SECISBP2: variants seen among roughly 807,000 people sequenced by gnomAD.
SECISBP2 encodes SECIS binding protein 2, also known as selenocysteine insertion sequence-binding protein 2.
A neutral mutation model predicts 98.2 loss-of-function variants in SECISBP2; 96 were observed. The observed-to-expected ratio is 0.98, with a 90% CI of 0.83 to 1.16. The LOEUF (loss-of-function observed/expected upper bound fraction) is 1.16. Among genes scored for constraint, SECISBP2 ranks in the 50% most tolerant of loss-of-function variants. The pLI, the probability that SECISBP2 is intolerant of heterozygous loss-of-function variation, is 0.00. For missense variants in SECISBP2, 1,046 were observed against 1,022.9 expected, an observed-to-expected ratio of 1.02 and a Z score of -0.31; for synonymous variants, 407 against 370.2, an observed-to-expected ratio of 1.10 and a Z score of -1.14.
At chr9:89,331,515 A>G (rs1451805936) in intron 5 of SECISBP2, among the ~76,000 whole-genome samples, 1 of 152,204 alleles carries the variant, frequency 6.6e-6, no homozygotes, top group Non-Finnish European at 1.5e-5. Context: ...TCAACTTTGA[A>G]TCTTTTAATT....
At chr9:89,352,365 C>A (rs1341423603) in intron 14 of SECISBP2, among the ~76,000 whole-genome samples, 1 of 152,080 alleles carries the variant, frequency 6.6e-6, no homozygotes, top group Non-Finnish European at 1.5e-5. Flanking sequence ...TGTTTATGGA[C>A]TTCTTCTTGG....
rs914636393 is a variant in SECISBP2 at position 89,359,160 on chromosome 9, C to T, written c.*336C>T. 2.9e-6 allele frequency: 1 copy of T among 347,498 alleles called. No homozygotes were observed. Among genetic ancestry groups the T allele is most frequent in the Non-Finnish European group, 5.6e-6 (1 of 180,142 alleles). 21.5% of individuals were successfully genotyped at this position (347,498 alleles called of 1,614,324 possible). On this transcript the variant is annotated 3_prime_UTR_variant, in exon 17 of 17. Transcript: ENST00000375807. Reference sequence around the variant, plus strand: ...AAACTTCCTCTCCATTGCAGAATAGCTGAGCCAAGTGAGTGAGTTTGCAGA... The same window carrying T: ...AAACTTCCTCTCCATTGCAGAATAGTTGAGCCAAGTGAGTGAGTTTGCAGA...
chr9:89,339,907 G>C lies in SECISBP2; in HGVS notation c.1256G>C (p.Arg419Thr). Residue 419 changes from arginine (R) to threonine (T), a missense_variant, in exon 9 of 17, where the codon AGA becomes ACA. By Grantham distance (71) the Arg-to-Thr change is moderately conservative (BLOSUM62 -1). Coordinates refer to ENST00000375807, the MANE Select transcript of SECISBP2 (RefSeq NM_024077.5). ...AACCTGGCAGTTGCATCTGAAAGAA[G>C]AGACAGAATAGAGACACCGAAATTT... Reference protein sequence around the residue: ...FPNLAVASERRDRIETPKFQS... With the variant: ...FPNLAVASERTDRIETPKFQS... 6.2e-7 allele frequency: 1 copy of C among 1,613,880 alleles called. No homozygotes were observed. Among genetic ancestry groups the C allele is most frequent in the East Asian group, 2.2e-5 (1 of 44,864 alleles).
chr9:89,364,741 C>T, the SECISBP2 span: 1 of 152,674 alleles, frequency 6.5e-6, no homozygotes, highest in Non-Finnish European at 1.5e-5. Context: ...AGGGTGGAGC[C>T]TGGCTGGCCT....
chr9:89,360,621 A>G (rs1181346873), downstream of SECISBP2, among the ~76,000 whole-genome samples: 2 of 152,150 alleles, frequency 1.3e-5, no homozygotes, highest in African/African-American at 2.4e-5. Context: ...CTGGGATTTA[A>G]CCAAACTCTC....
At chr9:89,353,304 G>T (rs1831561398) in intron 14 of SECISBP2, among the ~76,000 whole-genome samples, 2 of 152,178 alleles carry the variant, frequency 1.3e-5, no homozygotes, top group Admixed American at 6.5e-5. Flanking sequence ...TGTTGGAAGT[G>T]CCCCTGGGTG....
chr9:89,355,313 C>T, intron 14 of SECISBP2: 1 of 985,378 alleles, frequency 1.0e-6, no homozygotes, highest in Non-Finnish European at 1.2e-6. Context: ...ATGCTGTGTG[C>T]CTTGGTAACT....
Position 89,325,908 on chromosome 9 carries a change from T to C in SECISBP2, c.444T>C (p.Tyr148=), listed in dbSNP as rs199826459. 1 of 1,614,010 alleles carries C rather than the reference T, an allele frequency of 6.2e-7. No individual in the cohort carries two copies. Among genetic ancestry groups the C allele is most frequent in the Non-Finnish European group, 8.5e-7 (1 of 1,180,010 alleles). ...AATCTTTCCTGCAGAAGAAAACCTA[T>C]GATGAGAAAAAAACGTATGATCAGC... ...EMKALFKKKT[Y]DEKKTYDQQK... is the part of the protein sequence containing the mutation. Residue 148 remains tyrosine, a synonymous_variant, in exon 4 of 17, where the codon TAT becomes TAC. Transcript: ENST00000375807.
rs926939972 is a variant in SECISBP2, at chr9:89,318,757, C to T, written c.36+145C>T. 7.2e-5 allele frequency: 89 copies of T among 1,228,156 alleles called. 1 individual carries two copies. In the South Asian group the frequency reaches 1.8e-3, roughly 25 times the overall value. The allele number at this position is 1,228,156 out of a possible 1,614,324, so 76.1% of individuals were successfully genotyped here. ...ACGGGAGCGCCCTACCGGGTGGCCG[C>T]GATCTTCGCGCCCCGCCTCGGGTCC... On this transcript the variant is annotated intron_variant, in intron 1 of 16. Coordinates refer to ENST00000375807, the MANE Select transcript of SECISBP2 (RefSeq NM_024077.5).
At chr9:89,331,340 T>C (rs1185921527) in intron 5 of SECISBP2, among the ~76,000 whole-genome samples, 1 of 152,230 alleles carries the variant, frequency 6.6e-6, no homozygotes, top group Non-Finnish European at 1.5e-5. Context: ...TTTCTAATTT[T>C]TTATTGGCCT....
downstream of SECISBP2, chr9:89,361,936 A>G (rs73502347): frequency 0.012 from 2,128 of 175,936 alleles, 44 homozygotes; most frequent in African/African-American, 0.047. Context: ...GATTTGCATC[A>G]ATAAAAGCAG....
chr9:89,319,652 G>A lies in SECISBP2; in HGVS notation c.37G>A (p.Gly13Ser). Residue 13 changes from glycine (G) to serine (S), a missense_variant and splice_region_variant, in exon 2 of 17, where the codon GGC (glycine) becomes AGC (serine). By Grantham distance (56) the Gly-to-Ser change is moderately conservative (BLOSUM62 0). Transcript: ENST00000375807. ...GCCAAAACCTCATATTTTTCCTCAG[G>A]GCATCAAGTTATCAGCAGATGTCAA... ...SEGPREPESE[G>S]IKLSADVKPF... is the part of the protein sequence containing the mutation. The A allele has an allele frequency of 6.2e-7, 1 of 1,614,036 alleles. No homozygotes were observed. Among genetic ancestry groups the A allele is most frequent in the Non-Finnish European group, 8.5e-7 (1 of 1,179,992 alleles).
At chr9:89,348,970 G>A (rs1053649662) in intron 12 of SECISBP2, among the ~76,000 whole-genome samples, 1 of 152,238 alleles carries the variant, frequency 6.6e-6, no homozygotes, top group Non-Finnish European at 1.5e-5. Flanking sequence ...TGCGGACAGT[G>A]TTGTATGTGT....
chr9:89,365,719 G>A, the SECISBP2 span: 1 of 152,244 alleles, frequency 6.6e-6, no homozygotes, highest in Admixed American at 6.5e-5. Context: ...TCAGGTGTAG[G>A]GGCAGAGGTG....
chr9:89,334,794 G>A lies in SECISBP2; in HGVS notation c.1089+64G>A, dbSNP rs1057474154. The stretch of plus-strand genomic sequence containing the variant: ...CCAGGGGCTCAGTAGAGTGGGGAAT[G>A]AGAAGTTATTTATTAATGGGTAGAG... On this transcript the variant is annotated intron_variant, in intron 7 of 16. Transcript: ENST00000375807. 1.4e-5 allele frequency: 17 copies of A among 1,224,010 alleles called. No individual in the cohort carries two copies. In the Admixed American group the frequency reaches 1.5e-4, roughly 11 times the overall value. The allele number at this position is 1,224,010 out of a possible 1,614,324, so 75.8% of individuals were successfully genotyped here.
Position 89,347,048 on chromosome 9 carries a change from G to T in SECISBP2, c.1602G>T (p.Lys534Asn), listed in dbSNP as rs756613105. 6.2e-7 allele frequency: 1 copy of T among 1,613,692 alleles called. No individual in the cohort carries two copies. The highest frequency in any genetic ancestry group is 1.7e-5 in the Admixed American group (1 of 59,948). Residue 534 changes from lysine to asparagine, a missense_variant and splice_region_variant, in exon 11 of 17, where the codon AAG becomes AAT. Transcript: ENST00000375807. ...PKAKKPTSLK[K>N]IILKERQERK... Reference sequence around the variant, plus strand: ...CCAAGAAGCCAACCTCACTGAAGAAGGTATGTGGGGTGTTTCAGCCGAAGT... The same window carrying T: ...CCAAGAAGCCAACCTCACTGAAGAATGTATGTGGGGTGTTTCAGCCGAAGT...
intron 11 of SECISBP2, 113 bp downstream of exon 11, chr9:89,347,161 A>G (rs962153881): frequency 9.2e-7 from 1 of 1,087,646 alleles, no homozygotes; most frequent in Admixed American, 2.0e-5. Context: ...TTACTTGAAT[A>G]TGTTGTAGTA....
At chr9:89,362,959 G>A (rs567197233), downstream of SECISBP2, among the ~76,000 whole-genome samples, 1 of 152,276 alleles carries the variant, frequency 6.6e-6, no homozygotes, top group South Asian at 2.1e-4. Flanking sequence ...CTTCCATGCT[G>A]TAGCCCAGTT....
At chr9:89,363,378 GC>G (rs1833053756), downstream of SECISBP2, 11 of 1,596,242 alleles carry the variant, frequency 6.9e-6, no homozygotes, top group Admixed American at 1.7e-5. Flanking sequence ...TGTGGCAGGT[GC>G]CCTGCCCCTG....
Sources: gnomAD v4.1 joint callset for allele counts (sites outside exome capture counted in the v4.1 genomes callset) on GRCh38, gnomAD v4.1.1 for gene constraint, MANE v1.5 for transcripts, NCBI Gene and HGNC (gene_info 2026-07-23, HGNC 2026-07-21) for gene names.